PGM1: variants seen among roughly 807,000 people sequenced by gnomAD.
PGM1 encodes the protein phosphoglucomutase 1.
In PGM1, 52 loss-of-function variants were observed where a neutral mutation model predicts 55.6. The ratio of observed to expected loss-of-function variants is 0.94; its 90% CI spans 0.75 to 1.18. PGM1 has a LOEUF of 1.18. Ranked by LOEUF, PGM1 falls within the 50% of genes most tolerant of loss-of-function variation. The probability of loss-of-function intolerance (pLI) is 0.00; values close to 1 mark genes in which losing one functional copy is unlikely to be tolerated. For missense variants in PGM1, 724 were observed against 729.3 expected, an observed-to-expected ratio of 0.99 and a Z score of 0.08; for synonymous variants, 287 against 271.7, an observed-to-expected ratio of 1.06 and a Z score of -0.55.
chr1:63,623,185 G>T, intron 1 of PGM1: 1 of 1,248,556 alleles, frequency 8.0e-7, no homozygotes, highest in Non-Finnish European at 1.0e-6. Context: ...AGGGTATTTG[G>T]CTTGGTTAAG....
chr1:63,597,856 A>G (rs926328285), intron 1 of PGM1, among the ~76,000 whole-genome samples: 3 of 152,196 alleles, frequency 2.0e-5, no homozygotes, highest in African/African-American at 7.2e-5. Context: ...CTTTGTGGGA[A>G]CTTATGAGCA....
chr1:63,651,815 A>G lies in PGM1; in HGVS notation c.1427A>G (p.Tyr476Cys). ...GTGGAGAAGGCCGATAACTTTGAAT[A>G]CAGCGACCCAGTGGATGGAAGCATT... ...YTVEKADNFE[Y>C]SDPVDGSISR... Residue 476 changes from tyrosine (Y) to cysteine (C), a missense_variant, in exon 9 of 11, where the codon TAC becomes TGC. Tyr to Cys is a radical substitution (Grantham distance 194). This residue lies in a region of PGM1 where 316 missense variants were observed against 313.1 expected (regional missense o/e 1.01). Coordinates refer to ENST00000371084, the MANE Select transcript of PGM1 (RefSeq NM_002633.3). 1.2e-6 allele frequency: 2 copies of G among 1,614,118 alleles called. No individual in the cohort carries two copies. Among genetic ancestry groups the G allele is most frequent in the East Asian group, 2.2e-5 (1 of 44,876 alleles).
rs565121605 is a variant in PGM1 at position 63,607,173 on chromosome 1, C to T, written c.246+13439C>T. Among the ~76,000 whole-genome samples, 277 of 152,202 alleles carry T rather than the reference C, an allele frequency of 1.8e-3. 1 individual carries two copies. Among genetic ancestry groups the T allele is most frequent in the Non-Finnish European group, 3.0e-3 (206 of 68,040 alleles). On this transcript the variant is annotated intron_variant, in intron 1 of 10. Coordinates refer to ENST00000371084, the MANE Select transcript of PGM1 (RefSeq NM_002633.3). ...AAGCAGCCGTTAGTCTACTTTCAGT[C>T]TCTACGTTTGTGTGGGTAGACTTTA...
intron 1 of PGM1, among the ~76,000 whole-genome samples, chr1:63,597,437 G>C (rs1438510924): frequency 6.6e-6 from 1 of 152,160 alleles, no homozygotes; most frequent in African/African-American, 2.4e-5. Context: ...GAAACTGTTC[G>C]AATGATAGGT....
At chr1:63,617,851 A>G (rs1471148606) in intron 1 of PGM1, among the ~76,000 whole-genome samples, 1 of 150,616 alleles carries the variant, frequency 6.6e-6, no homozygotes, top group Admixed American at 6.6e-5. Flanking sequence ...CCATTTGTCA[A>G]TGGAAATTAG....
In PGM1 at chr1:63,593,537, C is replaced by G. The variant is rs1373836853; in HGVS notation, c.49C>G (p.Pro17Ala). The part of the protein sequence containing the change: ...VKTQAYQDQK[P>A]GTSGLRKRVK... ...GACCCAGGCGTACCAGGACCAGAAG[C>G]CGGGCACGAGCGGGCTGCGGAAGCG... Residue 17 changes from proline to alanine, a missense_variant, in exon 1 of 11, where the codon CCG becomes GCG. This residue lies in a region of PGM1 where 379 missense variants were observed against 357.5 expected (regional missense o/e 1.06). Coordinates refer to ENST00000371084, the MANE Select transcript of PGM1 (RefSeq NM_002633.3). 1.2e-6 allele frequency: 2 copies of G among 1,613,812 alleles called. No homozygotes were observed.
chr1:63,618,657 C>A (rs1191671607), intron 1 of PGM1, among the ~76,000 whole-genome samples: 1 of 152,176 alleles, frequency 6.6e-6, no homozygotes, highest in East Asian at 1.9e-4. Flanking sequence ...AAAAACCATT[C>A]TCTCACCTCA....
chr1:63,623,270 T>TA (rs1342153058), intron 1 of PGM1: 1 of 1,427,628 alleles, frequency 7.0e-7, no homozygotes, highest in Non-Finnish European at 9.1e-7. Context: ...GTGTGGCCCT[T>TA]AACTTGTTCA....
chr1:63,643,008 G>T (rs1376297255), intron 7 of PGM1, among the ~76,000 whole-genome samples: 15 of 152,170 alleles, frequency 9.9e-5, no homozygotes, highest in Non-Finnish European at 2.2e-4. Context: ...GTGAAGTACA[G>T]GGGTACTTCG....
At chr1:63,650,791 T>C (rs934203313) in intron 8 of PGM1, among the ~76,000 whole-genome samples, 3 of 152,200 alleles carry the variant, frequency 2.0e-5, no homozygotes, top group African/African-American at 7.2e-5. Context: ...TGTGATGCAC[T>C]TTTTTCCTTG....
chr1:63,636,341 G>A lies in PGM1; in HGVS notation c.981G>A (p.Gly327=), dbSNP rs376393280. ...IFSIPYFQQT[G]VRGFARSMPT... ...GCATTCCGTATTTCCAGCAGACTGGGGTCCGCGGCTTTGCACGGAGCATGC... is the reference window on the plus strand; with the variant it reads ...GCATTCCGTATTTCCAGCAGACTGGAGTCCGCGGCTTTGCACGGAGCATGC... Residue 327 remains glycine (G), a synonymous_variant, in exon 6 of 11, where the codon GGG becomes GGA. Transcript: ENST00000371084. The A allele has an allele frequency of 4.2e-5, 67 of 1,614,054 alleles. No individual in the cohort carries two copies. Among genetic ancestry groups the A allele is most frequent in the Non-Finnish European group, 5.2e-5 (61 of 1,180,020 alleles).
At chr1:63,607,732 C>G (rs2100963174) in intron 1 of PGM1, among the ~76,000 whole-genome samples, 1 of 152,314 alleles carries the variant, frequency 6.6e-6, no homozygotes, top group Admixed American at 6.5e-5. Flanking sequence ...CAAATCGCCA[C>G]TCTGGGAACC....
intron 3 of PGM1, 93 bp from the exon 4 acceptor site, chr1:63,631,564 A>G: frequency 8.5e-7 from 1 of 1,173,876 alleles, no homozygotes; most frequent in Non-Finnish European, 1.3e-6. Context: ...TTAAAATAGC[A>G]ATAGCAGGTT....
At chr1:63,614,847 A>G (rs1424596706) in intron 1 of PGM1, among the ~76,000 whole-genome samples, 2 of 152,206 alleles carry the variant, frequency 1.3e-5, no homozygotes, top group South Asian at 2.1e-4. Context: ...TAATGCTTGT[A>G]ATGCATTTGA....
intron 7 of PGM1, among the ~76,000 whole-genome samples, chr1:63,639,472 G>A (rs186702210): frequency 2.3e-3 from 345 of 151,700 alleles, no homozygotes; most frequent in African/African-American, 6.7e-3. Context: ...ATATTGACCC[G>A]AACTCCCACC....
At chr1:63,642,406 A>G (rs1361758694) in intron 7 of PGM1, among the ~76,000 whole-genome samples, 1 of 152,244 alleles carries the variant, frequency 6.6e-6, no homozygotes, top group African/African-American at 2.4e-5. Flanking sequence ...AATGGGGACC[A>G]GAACTGGACA....
chr1:63,620,413 A>G (rs1648850605), intron 1 of PGM1, among the ~76,000 whole-genome samples: 1 of 152,166 alleles, frequency 6.6e-6, no homozygotes, highest in Non-Finnish European at 1.5e-5. Context: ...GCTTTAAGCC[A>G]AATTTCTGCC....
chr1:63,604,755 C>T (rs761485641), intron 1 of PGM1, among the ~76,000 whole-genome samples: 1 of 152,096 alleles, frequency 6.6e-6, no homozygotes, highest in Non-Finnish European at 1.5e-5. Flanking sequence ...TGGAGGCACC[C>T]CAGATTCCTT....
At chr1:63,594,005 A>T in intron 1 of PGM1, 2 of 1,143,684 alleles carry the variant, frequency 1.7e-6, no homozygotes, top group Non-Finnish European at 2.1e-6. Context: ...TCCCAAGGTC[A>T]CGCCCGACTC....
Sources: allele counts gnomAD v4.1 joint callset (sites outside exome capture counted in the v4.1 genomes callset), GRCh38; gene constraint gnomAD v4.1.1; regional missense constraint gnomAD v4.1.1; transcripts MANE v1.5; gene names NCBI Gene and HGNC (gene_info 2026-07-23, HGNC 2026-07-21).